Variants in COL16A1 observed in about 807,000 individuals in gnomAD.
The protein encoded by COL16A1 is collagen alpha-1(XVI) chain.
A neutral mutation model predicts 266.3 loss-of-function variants in COL16A1; 189 were observed. The ratio of observed to expected loss-of-function variants is 0.71; its 90% CI spans 0.63 to 0.80. COL16A1 has a LOEUF of 0.80. COL16A1 is among the 30% of genes least tolerant of loss of function. COL16A1 has a pLI of 0.00. For synonymous variants in COL16A1, 740 were observed against 782.3 expected, an observed-to-expected ratio of 0.95 and a Z score of 0.90; for missense variants, 1,928 against 2,122.4, an observed-to-expected ratio of 0.91 and a Z score of 1.80.
intron 9 of COL16A1, 38 bp downstream of exon 9, chr1:31,696,048 CTG>C (rs1557693293): frequency 6.4e-7 from 1 of 1,566,908 alleles, no homozygotes; most frequent in Admixed American, 1.7e-5. Context: ...AGAGGGCAGA[CTG>C]AGGGCAGGTA....
At position 31,652,722 on chromosome 1, in the gene COL16A1, C is replaced by G; in HGVS notation, c.4744G>C (p.Asp1582His). Residue 1582 changes from aspartate (D) to histidine (H), a missense_variant, in exon 71 of 71, where the codon GAC becomes CAC. By Grantham distance (81) the Asp-to-His change is moderately conservative. Around this residue, in one of 2 missense-constraint regions of COL16A1, gnomAD observed 376 missense variants for 485.2 expected, o/e 0.77. Coordinates refer to ENST00000373672, the MANE Select transcript of COL16A1 (RefSeq NM_001856.4). The surrounding 1 kb of genome is among the most constrained non-coding windows in gnomAD (Gnocchi z 4.8). ...TCCATCGGCATGGCCCCAAAGCAGT[C>G]AGAGGGATTACAGTGGCCAGCCTTG... is the stretch of plus-strand genomic sequence containing the variant. ...PGKAGHCNPS[D>H]CFGAMPMEQQ... is the part of the protein sequence containing the mutation. 3.1e-6 allele frequency: 5 copies of G among 1,608,006 alleles called. No individual in the cohort carries two copies. Among genetic ancestry groups the G allele is most frequent in the Non-Finnish European group, 3.4e-6 (4 of 1,178,336 alleles).
chr1:31,688,819 G>A lies in COL16A1; in HGVS notation c.1767+42C>T. 1 of 1,573,092 alleles carries A rather than the reference G, an allele frequency of 6.4e-7. No homozygotes were observed. The highest frequency in any genetic ancestry group is 8.7e-7 in the Non-Finnish European group (1 of 1,152,692). On this transcript the variant is annotated intron_variant, in intron 25 of 70. Transcript: ENST00000373672. The surrounding 1 kb of genome is among the most constrained non-coding windows in gnomAD (Gnocchi z 4.9). Reference sequence around the variant, plus strand: ...CCAGGGAGATCAACAGTATGGCAAGGATGGCTGAACTGGGCTGGGCTGGGA... The same window carrying A: ...CCAGGGAGATCAACAGTATGGCAAGAATGGCTGAACTGGGCTGGGCTGGGA...
rs756019453 is a variant in COL16A1, at chr1:31,679,843, C to T, written c.2679G>A (p.Pro893=). 43 of 1,529,138 alleles carry T rather than the reference C, an allele frequency of 2.8e-5. No homozygotes were observed. The South Asian group carries it at 3.4e-4, about 12-fold the overall frequency. The allele number at this position is 1,529,138 out of a possible 1,614,324, so 94.7% of individuals were successfully genotyped here. The stretch of plus-strand genomic sequence containing the variant: ...GCCAGGAGCTGCCCATCCAAAGTCC[C>T]GGAGCACCCTGGGTGGGAGTGGGGG... The part of the protein sequence containing the change: ...DLIFSGMPGA[P]GLWMGSSWQP... The change falls in exon 41 of 71, where the codon CCG becomes CCA. Residue 893 remains proline (P), a synonymous_variant. Coordinates refer to ENST00000373672, the MANE Select transcript of COL16A1 (RefSeq NM_001856.4).
chr1:31,668,622 C>T lies in COL16A1; in HGVS notation c.3249+180G>A, dbSNP rs553892427. On this transcript the variant is annotated intron_variant, in intron 50 of 70. Coordinates refer to ENST00000373672, the MANE Select transcript of COL16A1 (RefSeq NM_001856.4). The surrounding 1 kb of genome is among the most constrained non-coding windows in gnomAD (Gnocchi z 5.8). ...GTCAGGGCACATGGAGATCGGCCTC[C>T]TTTGCTCCTGGGGGAGTGTGGAAAC... 2.7e-4 allele frequency among the ~76,000 whole-genome samples: 41 copies of T among 152,220 alleles called. No homozygotes were observed. The highest frequency in any genetic ancestry group is 5.3e-4 in the Non-Finnish European group (36 of 67,994).
chr1:31,703,990 GCTGCCCGGCGCACGC>G lies in COL16A1; in HGVS notation c.-203_-189del, dbSNP rs998351490. On this transcript the variant is annotated 5_prime_UTR_variant, in exon 1 of 71. Transcript: ENST00000373672. ...GGCGCTCGAGCTCTCCCGGCTGTCT[GCTGCCCGGCGCACGC>G]CTGCCGGGGACTGCCGGCCACTCCG... is the stretch of plus-strand genomic sequence containing the variant. 6.6e-6 allele frequency: 1 copy of G among 152,468 alleles called. No individual in the cohort carries two copies. The highest frequency in any genetic ancestry group is 6.5e-5 in the Admixed American group (1 of 15,310). 9.4% of individuals were successfully genotyped at this position (152,468 alleles called of 1,614,324 possible).
Position 31,684,215 on chromosome 1 carries a change from G to A in COL16A1, c.2177C>T (p.Ala726Val), listed in dbSNP as rs1159331690. The A allele has an allele frequency of 1.3e-6, 2 of 1,509,364 alleles. No homozygotes were observed. The highest frequency in any genetic ancestry group is 1.8e-6 in the Non-Finnish European group (2 of 1,126,234). The allele number at this position is 1,509,364 out of a possible 1,614,324, so 93.5% of individuals were successfully genotyped here. A position where few individuals can be genotyped will look rare whatever the true frequency, so the allele number is the denominator to read the frequency against. ...CACTGTCCCCTGCAGGCTGGGGCAG[G>A]CAGTGCAGCCATCACCCTGGTCAGA... Reference protein sequence around the residue: ...PKGEKGDGCTACPSLQGTVTD... With the variant: ...PKGEKGDGCTVCPSLQGTVTD... Residue 726 changes from alanine to valine, a missense_variant, in exon 32 of 71, where the codon GCC becomes GTC. Coordinates refer to ENST00000373672, the MANE Select transcript of COL16A1 (RefSeq NM_001856.4).
chr1:31,656,840 AGGT>A lies in COL16A1; in HGVS notation c.4056+190_4056+192del. The stretch of plus-strand genomic sequence containing the variant: ...ACAGGGTTTAAAAAAAAAAAAAAAA[AGGT>A]AAAACAAATCTCACTCCCATCCTTG... On this transcript the variant is annotated intron_variant, in intron 65 of 70. Transcript: ENST00000373672. This position sits in a 1 kb window ranked among gnomAD's most constrained non-coding sequence, Gnocchi z 4.2. 6.6e-6 allele frequency: 4 copies of A among 601,596 alleles called. No individual in the cohort carries two copies. Among genetic ancestry groups the A allele is most frequent in the Non-Finnish European group, 8.4e-6 (3 of 357,880 alleles). The allele number at this position is 601,596 out of a possible 1,614,324, so 37.3% of individuals were successfully genotyped here. A position where few individuals can be genotyped will look rare whatever the true frequency, so the allele number is the denominator to read the frequency against.
chr1:31,691,694 G>T (rs766904695), intron 17 of COL16A1, 52 bp from the exon 18 acceptor site: 1 of 1,581,412 alleles, frequency 6.3e-7, no homozygotes, highest in Non-Finnish European at 8.6e-7. Context: ...GCCTGGCACC[G>T]CCCCACTGGG....
At chr1:31,671,485 G>T in intron 48 of COL16A1, 130 bp downstream of exon 48, 1 of 1,120,342 alleles carries the variant, frequency 8.9e-7, no homozygotes, top group Non-Finnish European at 1.3e-6. Context: ...GCGGAGGGAT[G>T]GGGAGGGCAG....
rs768452451 is a variant in COL16A1 at position 31,692,967 on chromosome 1, C to G, written c.1071+125G>C. On this transcript the variant is annotated intron_variant, in intron 13 of 70. Coordinates refer to ENST00000373672, the MANE Select transcript of COL16A1 (RefSeq NM_001856.4). ...CCTAGAAAGACCCTGGCCCTCACCCCCCTCCCGTGATCTGGGCCAAGCTGC... is the reference window on the plus strand; with the variant it reads ...CCTAGAAAGACCCTGGCCCTCACCCGCCTCCCGTGATCTGGGCCAAGCTGC... 3.1e-5 allele frequency: 29 copies of G among 946,550 alleles called. No individual in the cohort carries two copies. In the East Asian group the frequency reaches 6.3e-4, roughly 20 times the overall value. The allele number at this position is 946,550 out of a possible 1,614,324, so 58.6% of individuals were successfully genotyped here.
At position 31,685,718 on chromosome 1, in the gene COL16A1, A is replaced by G; in HGVS notation, c.1937T>C (p.Val646Ala). 1 of 1,613,994 alleles carries G rather than the reference A, an allele frequency of 6.2e-7. No individual in the cohort carries two copies. Among genetic ancestry groups the G allele is most frequent in the South Asian group, 1.1e-5 (1 of 91,084 alleles). The part of the protein sequence containing the change: ...PALSNLQDGD[V>A]RVVALPGPSG... ...TGGGCCAGGCAAGGCCACCACACGGACATCCCCATCCTGAAGGTTGGACAG... is the reference window on the plus strand; with the variant it reads ...TGGGCCAGGCAAGGCCACCACACGGGCATCCCCATCCTGAAGGTTGGACAG... The change falls in exon 29 of 71, where the codon GTC (valine) becomes GCC (alanine). Residue 646 changes from valine (V) to alanine (A), a missense_variant. This residue lies in a region of COL16A1 where 1,552 missense variants were observed against 1,637.2 expected (regional missense o/e 0.95). Coordinates refer to ENST00000373672, the MANE Select transcript of COL16A1 (RefSeq NM_001856.4). This position sits in a 1 kb window ranked among gnomAD's most constrained non-coding sequence, Gnocchi z 4.0.
In COL16A1 at chr1:31,665,524, C is replaced by T. The variant is rs372299086; in HGVS notation, c.3492+59G>A. The stretch of plus-strand genomic sequence containing the variant: ...CCTACCCCAGCCTGGCCTGGTCAGG[C>T]CTGCCCCTCCCGATGAGACCACATC... On this transcript the variant is annotated intron_variant, in intron 55 of 70. Coordinates refer to ENST00000373672, the MANE Select transcript of COL16A1 (RefSeq NM_001856.4). 5.6e-6 allele frequency: 9 copies of T among 1,613,676 alleles called. No individual in the cohort carries two copies. The African/African-American group carries it at 1.1e-4, about 19-fold the overall frequency.
chr1:31,683,168 C>CA (rs774734412), intron 36 of COL16A1, 26 bp downstream of exon 36: 9 of 1,614,096 alleles, frequency 5.6e-6, no homozygotes, highest in Non-Finnish European at 6.8e-6. Flanking sequence ...ACTGCAGGCC[C>CA]AATACCCATG....
At chr1:31,662,747 G>T in intron 56 of COL16A1, 89 bp from the exon 57 acceptor site, 1 of 1,362,036 alleles carries the variant, frequency 7.3e-7, no homozygotes, top group Non-Finnish European at 9.9e-7. Flanking sequence ...CTGGGTCAAG[G>T]GTCCTGGTGA....
chr1:31,687,502 G>T (rs1228604166), intron 26 of COL16A1, among the ~76,000 whole-genome samples: 1 of 151,972 alleles, frequency 6.6e-6, no homozygotes, highest in African/African-American at 2.4e-5. Context: ...GCCAGAGGAG[G>T]TTCCACCATG....
chr1:31,666,839 C>G (rs1399357959), intron 52 of COL16A1, among the ~76,000 whole-genome samples: 1 of 152,200 alleles, frequency 6.6e-6, no homozygotes, highest in African/African-American at 2.4e-5. Context: ...GTCCCATTTC[C>G]TCCATGAGTC....
chr1:31,663,103 C>T lies in COL16A1; in HGVS notation c.3556-445G>A, dbSNP rs529659526. The T allele has an allele frequency of 3.4e-5, 7 of 205,552 alleles. No homozygotes were observed. Among genetic ancestry groups the T allele is most frequent in the South Asian group, 2.4e-4 (3 of 12,346 alleles). 12.7% of individuals were successfully genotyped at this position (205,552 alleles called of 1,614,324 possible). A position where few individuals can be genotyped will look rare whatever the true frequency, so the allele number is the denominator to read the frequency against. ...CCGGGCTGCACAGAGGCCTCAACAG[C>T]GCACGCAGCACCATGTGGGCTCTGA... On this transcript the variant is annotated intron_variant, in intron 56 of 70. Coordinates refer to ENST00000373672, the MANE Select transcript of COL16A1 (RefSeq NM_001856.4). The surrounding 1 kb of genome is among the most constrained non-coding windows in gnomAD (Gnocchi z 4.9).
At position 31,695,743 on chromosome 1, in the gene COL16A1, GTCCA is replaced by G; in HGVS notation, c.945+14_945+17del. ...CATGCTGGCACCTCCCCTGCTGCCA[GTCCA>G]CTGGGAGGCTTACCTCATCGGCTGC... is the stretch of plus-strand genomic sequence containing the variant. On this transcript the variant is annotated intron_variant, in intron 10 of 70. Coordinates refer to ENST00000373672, the MANE Select transcript of COL16A1 (RefSeq NM_001856.4). 1 of 1,613,338 alleles carries G rather than the reference GTCCA, an allele frequency of 6.2e-7. No individual in the cohort carries two copies. The highest frequency in any genetic ancestry group is 1.7e-5 in the Admixed American group (1 of 60,004).
Position 31,657,077 on chromosome 1 carries a change from T to A in COL16A1, c.4021-9A>T, listed in dbSNP as rs1452870240. 3 of 1,613,748 alleles carry A rather than the reference T, an allele frequency of 1.9e-6. 1 individual carries two copies. The Admixed American group carries it at 5.0e-5, about 27-fold the overall frequency. On this transcript the variant is annotated splice_polypyrimidine_tract_variant and intron_variant, in intron 64 of 70. Transcript: ENST00000373672. This position sits in a 1 kb window ranked among gnomAD's most constrained non-coding sequence, Gnocchi z 6.4. ...TCCGTACCAGGTTCGCCCTGGGGAG[T>A]AGAGAGCAATGGAGACATGAGGAGC...
Sources: allele counts gnomAD v4.1 joint callset (sites outside exome capture counted in the v4.1 genomes callset), GRCh38; gene constraint gnomAD v4.1.1; regional missense constraint gnomAD v4.1.1; non-coding constraint Gnocchi (gnomAD v3.1); transcripts MANE v1.5; gene names NCBI Gene and HGNC (gene_info 2026-07-23, HGNC 2026-07-21).